SYCP1: variants seen among roughly 807,000 people sequenced by gnomAD.
SYCP1 encodes the protein cancer/testis antigen 8.
In SYCP1, 64 loss-of-function variants were observed where a neutral mutation model predicts 153.1. The observed-to-expected ratio is 0.42, with a 90% CI of 0.34 to 0.51. SYCP1 has a LOEUF of 0.51. SYCP1 is among the 20% of genes least tolerant of loss of function. The pLI is 0.06. For synonymous variants in SYCP1, 384 were observed against 341.8 expected (o/e 1.12, Z -1.36); for missense variants, 997 against 1,049.0 (o/e 0.95, Z 0.68).
At chr1:114,860,095 A>G (rs781384190) in intron 7 of SYCP1, among the ~76,000 whole-genome samples, 1 of 152,144 alleles carries the variant, frequency 6.6e-6, no homozygotes, top group African/African-American at 2.4e-5. Flanking sequence ...ACAACTACCT[A>G]TGTATGTTGT....
intron 27 of SYCP1, among the ~76,000 whole-genome samples, chr1:114,949,084 C>T (rs1439062763): frequency 2.6e-5 from 4 of 152,138 alleles, no homozygotes; most frequent in Non-Finnish European, 5.9e-5. Flanking sequence ...TCCGTGCTAG[C>T]TCCCTGAGGC....
chr1:114,936,130 G>A (rs1190938090), intron 23 of SYCP1, among the ~76,000 whole-genome samples: 1 of 152,138 alleles, frequency 6.6e-6, no homozygotes, highest in Non-Finnish European at 1.5e-5. Flanking sequence ...TATCCCTGAT[G>A]AACATTGACG....
intron 8 of SYCP1, chr1:114,862,894 C>A (rs1664473865): frequency 6.6e-6 from 1 of 151,836 alleles, no homozygotes; most frequent in Non-Finnish European, 1.5e-5. Context: ...TTTATTCATT[C>A]ATTCAATATT....
At chr1:114,990,559 A>G (rs1673851748) in intron 30 of SYCP1, among the ~76,000 whole-genome samples, 1 of 151,976 alleles carries the variant, frequency 6.6e-6, no homozygotes, top group Admixed American at 6.6e-5. Context: ...TTCTTTGAAA[A>G]GATCAACAAA....
chr1:114,899,982 A>G (rs1022764919), intron 16 of SYCP1, among the ~76,000 whole-genome samples: 1 of 152,230 alleles, frequency 6.6e-6, no homozygotes, highest in Non-Finnish European at 1.5e-5. Context: ...ATTCCAGATG[A>G]CATAAATCAT....
chr1:114,981,638 T>G, intron 29 of SYCP1, 126 bp downstream of exon 29: 1 of 873,754 alleles, frequency 1.1e-6, no homozygotes, highest in Non-Finnish European at 1.7e-6. Context: ...CAATTTTTTT[T>G]GTGGTATCAG....
chr1:114,943,665 C>G (rs757581963), intron 23 of SYCP1, among the ~76,000 whole-genome samples: 1 of 151,674 alleles, frequency 6.6e-6, no homozygotes, highest in Non-Finnish European at 1.5e-5. Context: ...CATTTAATAG[C>G]TTTTATCAAT....
At chr1:114,979,450 T>C (rs1557848830) in intron 28 of SYCP1, among the ~76,000 whole-genome samples, 1 of 151,736 alleles carries the variant, frequency 6.6e-6, no homozygotes, top group Admixed American at 6.6e-5. Context: ...GAATTTTCTT[T>C]AGGCTACCAG....
chr1:114,884,415 T>A (rs1666161452), intron 12 of SYCP1, among the ~76,000 whole-genome samples: 1 of 152,232 alleles, frequency 6.6e-6, no homozygotes, highest in Non-Finnish European at 1.5e-5. Context: ...ACTCAGCTGC[T>A]ACTTTCTTGA....
chr1:114,895,478 A>T lies in SYCP1; in HGVS notation c.1289A>T (p.Glu430Val). Residue 430 changes from glutamate (E) to valine (V), a missense_variant, in exon 16 of 32, where the codon GAA becomes GTA. This residue lies in a region of SYCP1 where 712 missense variants were observed against 682.9 expected (regional missense o/e 1.04). Transcript: ENST00000369522. ...ATGACTAAGCTTACAAATAACAAAGAAGTAGAACTTGAAGAATTGAAAAAA... is the reference window on the plus strand; with the variant it reads ...ATGACTAAGCTTACAAATAACAAAGTAGTAGAACTTGAAGAATTGAAAAAA... ...EEMTKLTNNK[E>V]VELEELKKVL... The T allele has an allele frequency of 6.5e-7, 1 of 1,531,768 alleles. No individual in the cohort carries two copies. The allele number at this position is 1,531,768 out of a possible 1,614,324, so 94.9% of individuals were successfully genotyped here.
rs760143151 is a variant in SYCP1 at position 114,926,281 on chromosome 1, A to G, written c.1804A>G (p.Asn602Asp). 3 of 1,519,844 alleles carry G rather than the reference A, an allele frequency of 2.0e-6. 1 individual carries two copies. The Admixed American group carries it at 6.3e-5, about 32-fold the overall frequency. The allele number at this position is 1,519,844 out of a possible 1,614,324, so 94.1% of individuals were successfully genotyped here. ...ATAATTTCTCACAATTTTTTAGTGTAACAATTTAAGGAAACAAGTTGAAAA... is the reference window on the plus strand; with the variant it reads ...ATAATTTCTCACAATTTTTTAGTGTGACAATTTAAGGAAACAAGTTGAAAA... Reference protein sequence around the residue: ...CKLDKSEENCNNLRKQVENKN... With the variant: ...CKLDKSEENCDNLRKQVENKN... Residue 602 changes from asparagine to aspartate, a missense_variant, in exon 22 of 32, where the codon AAC becomes GAC. Transcript: ENST00000369522.
chr1:114,977,450 G>T (rs2101934562), intron 27 of SYCP1, 107 bp from the exon 28 acceptor site: 1 of 668,360 alleles, frequency 1.5e-6, no homozygotes, highest in East Asian at 3.4e-5. Context: ...AGATTGAGAG[G>T]TTCGTCATCT....
In SYCP1 at chr1:114,910,432, A is replaced by G. The variant is rs1668103007; in HGVS notation, c.1356A>G (p.Gln452=). The G allele has an allele frequency of 6.2e-7, 1 of 1,604,906 alleles. No homozygotes were observed. Among genetic ancestry groups the G allele is most frequent in the Admixed American group, 1.7e-5 (1 of 58,636 alleles). ...AAACACTTTTATATGAAAATAAACA[A>G]TTTGAGAAGATTGCTGAAGAATTAA... ...EKETLLYENK[Q]FEKIAEELKG... is the part of the protein sequence containing the mutation. Residue 452 remains glutamine, a synonymous_variant, in exon 17 of 32, where the codon CAA becomes CAG. Coordinates refer to ENST00000369522, the MANE Select transcript of SYCP1 (RefSeq NM_003176.4).
At chr1:114,973,915 AC>A (rs1672648300) in intron 27 of SYCP1, among the ~76,000 whole-genome samples, 1 of 151,896 alleles carries the variant, frequency 6.6e-6, no homozygotes. Context: ...TGAATTCTCT[AC>A]TAATTTTGCA....
intron 27 of SYCP1, among the ~76,000 whole-genome samples, chr1:114,964,869 A>G (rs1672015558): frequency 6.6e-6 from 1 of 152,094 alleles, no homozygotes; most frequent in South Asian, 2.1e-4. Flanking sequence ...TCCATATGAA[A>G]TTTAAAGTAG....
chr1:114,907,847 T>G (rs1229672465), intron 16 of SYCP1, among the ~76,000 whole-genome samples: 3 of 152,132 alleles, frequency 2.0e-5, no homozygotes, highest in Admixed American at 6.6e-5. Flanking sequence ...TCCCTATTTA[T>G]GTCCTTTTCC....
chr1:114,892,440 C>T (rs539658302), intron 15 of SYCP1, among the ~76,000 whole-genome samples: 4 of 152,106 alleles, frequency 2.6e-5, no homozygotes, highest in Admixed American at 2.0e-4. Flanking sequence ...ATCAGCTGTC[C>T]GTGAGCCTGT....
At chr1:114,888,548 C>T (rs904908628) in intron 15 of SYCP1, among the ~76,000 whole-genome samples, 2 of 151,292 alleles carry the variant, frequency 1.3e-5, no homozygotes, top group Non-Finnish European at 2.9e-5. Context: ...ATAGATTAAC[C>T]CTTTATCATG....
intron 6 of SYCP1, among the ~76,000 whole-genome samples, chr1:114,859,410 G>A (rs1330988156): frequency 6.6e-6 from 1 of 152,052 alleles, no homozygotes; most frequent in Non-Finnish European, 1.5e-5. Context: ...TTTATCTGTA[G>A]CATAAAGTGA....
Sources: gnomAD v4.1 joint callset for allele counts (sites outside exome capture counted in the v4.1 genomes callset) on GRCh38, gnomAD v4.1.1 for gene constraint, gnomAD v4.1.1 regional missense constraint, MANE v1.5 for transcripts, NCBI Gene and HGNC (gene_info 2026-07-23, HGNC 2026-07-21) for gene names.